CDC42BPA: variants seen among roughly 807,000 people sequenced by gnomAD.
The protein encoded by CDC42BPA is CDC42 binding protein kinase alpha, also known as serine/threonine-protein kinase MRCK alpha.
A neutral mutation model predicts 223.5 loss-of-function variants in CDC42BPA; 80 were observed. The observed-to-expected ratio is 0.36, with a 90% CI of 0.30 to 0.43. The LOEUF is 0.43. Among genes scored for constraint, CDC42BPA ranks in the 20% least tolerant of loss-of-function variants. The probability of loss-of-function intolerance (pLI) is 1.00; values close to 1 mark genes in which losing one functional copy is unlikely to be tolerated. For missense variants in CDC42BPA, 1,743 were observed against 2,099.9 expected, an observed-to-expected ratio of 0.83 and a Z score of 3.32; for synonymous variants, 694 against 718.6, an observed-to-expected ratio of 0.97 and a Z score of 0.55.
chr1:227,284,765 A>T (rs1378968409), intron 1 of CDC42BPA, among the ~76,000 whole-genome samples: 1 of 152,138 alleles, frequency 6.6e-6, no homozygotes, highest in Non-Finnish European at 1.5e-5. Flanking sequence ...CTTCGAGACC[A>T]GCCTGGGCAA....
chr1:227,181,772 T>C (rs1227580746), intron 5 of CDC42BPA, among the ~76,000 whole-genome samples: 19 of 152,144 alleles, frequency 1.2e-4, no homozygotes, highest in Admixed American at 1.2e-3. Context: ...AAAATTAAAA[T>C]TGAGATGAAC....
At chr1:227,098,162 C>T (rs1462469973) in intron 15 of CDC42BPA, among the ~76,000 whole-genome samples, 2 of 152,102 alleles carry the variant, frequency 1.3e-5, no homozygotes, top group Non-Finnish European at 2.9e-5. Flanking sequence ...CTAAATTTGC[C>T]TGTTATTATG....
chr1:227,016,465 T>C (rs1043098241), intron 33 of CDC42BPA, among the ~76,000 whole-genome samples: 1 of 152,188 alleles, frequency 6.6e-6, no homozygotes, highest in African/African-American at 2.4e-5. Flanking sequence ...GTTTTACATA[T>C]AATTCTGAAC....
chr1:227,228,044 A>G lies in CDC42BPA; in HGVS notation c.271-14825T>C, dbSNP rs145325084. Among the ~76,000 whole-genome samples, 922 of 152,166 alleles carry G rather than the reference A, an allele frequency of 6.1e-3. 10 individuals carry two copies. The highest frequency in any genetic ancestry group is 0.021 in the African/African-American group (860 of 41,520). On this transcript the variant is annotated intron_variant, in intron 2 of 36. Coordinates refer to ENST00000366766, the MANE Select transcript of CDC42BPA (RefSeq NM_001394014.1). ...AACCAAACACTGCATGTTCTCACTT[A>G]TAAGTGGGAGCTGAAAAATGAGAAC...
chr1:227,000,017 G>A lies in CDC42BPA; in HGVS notation c.4975+4977C>T, dbSNP rs1162308320. 2.0e-5 allele frequency among the ~76,000 whole-genome samples: 3 copies of A among 151,868 alleles called. No individual in the cohort carries two copies. In the East Asian group the frequency reaches 5.8e-4, roughly 29 times the overall value. On this transcript the variant is annotated intron_variant, in intron 35 of 36. Transcript: ENST00000366766. ...TAATGTAGATGACGGGTTGATGGGT[G>A]CAGCAAACTACCATGGCACATGTAT...
chr1:227,220,648 C>T (rs1675740836), intron 2 of CDC42BPA, among the ~76,000 whole-genome samples: 1 of 150,288 alleles, frequency 6.7e-6, no homozygotes. Context: ...TTTACATTCC[C>T]TCATGCCAAC....
At chr1:227,301,675 T>C (rs1373855353) in intron 1 of CDC42BPA, among the ~76,000 whole-genome samples, 2 of 152,174 alleles carry the variant, frequency 1.3e-5, no homozygotes, top group East Asian at 3.9e-4. Context: ...GACTTTTTAA[T>C]TCTGTAAAAA....
chr1:227,060,020 G>GGTTT (rs1553317949), intron 21 of CDC42BPA, among the ~76,000 whole-genome samples: 2 of 94,178 alleles, frequency 2.1e-5, no homozygotes, highest in African/African-American at 9.8e-5. Context: ...ATCTCAAAAA[G>GGTTT]TTTTTTTTTG....
intron 3 of CDC42BPA, among the ~76,000 whole-genome samples, chr1:227,204,018 A>G (rs977956753): frequency 2.6e-5 from 4 of 152,216 alleles, no homozygotes; most frequent in African/African-American, 9.6e-5. Flanking sequence ...ACTGATGATT[A>G]TATCTACTTT....
intron 34 of CDC42BPA, among the ~76,000 whole-genome samples, chr1:227,008,472 A>C (rs964960915): frequency 2.0e-5 from 3 of 152,216 alleles, no homozygotes; most frequent in Non-Finnish European, 2.9e-5. Flanking sequence ...AAATGTACTA[A>C]TGTGGCTAAA....
intron 28 of CDC42BPA, 28 bp downstream of exon 28, chr1:227,031,270 T>C: frequency 6.5e-7 from 1 of 1,540,716 alleles, no homozygotes; most frequent in Middle Eastern, 1.7e-4. Flanking sequence ...ACAATGATAA[T>C]AATATGATAA....
At chr1:227,056,026 TA>T in intron 21 of CDC42BPA, among the ~76,000 whole-genome samples, 1 of 152,310 alleles carries the variant, frequency 6.6e-6, no homozygotes, top group East Asian at 1.9e-4. Context: ...AATGTATTTT[TA>T]CAGTAGTACA....
intron 1 of CDC42BPA, among the ~76,000 whole-genome samples, chr1:227,289,043 A>G (rs201246044): frequency 2.6e-5 from 4 of 152,112 alleles, no homozygotes; most frequent in Non-Finnish European, 4.4e-5. Context: ...AAATAAAATG[A>G]TATCACAAAT....
At chr1:226,996,088 T>G (rs534013029) in intron 35 of CDC42BPA, among the ~76,000 whole-genome samples, 1 of 152,224 alleles carries the variant, frequency 6.6e-6, no homozygotes, top group Non-Finnish European at 1.5e-5. Flanking sequence ...TAATCCCCCT[T>G]CCACCTCCCT....
intron 1 of CDC42BPA, among the ~76,000 whole-genome samples, chr1:227,257,391 C>T (rs529072276): frequency 6.6e-6 from 1 of 151,278 alleles, no homozygotes; most frequent in South Asian, 2.1e-4. Flanking sequence ...ATATCAAAAC[C>T]ACTGAATTGT....
intron 6 of CDC42BPA, among the ~76,000 whole-genome samples, chr1:227,157,771 A>T (rs1391001702): frequency 6.6e-6 from 1 of 151,986 alleles, no homozygotes; most frequent in Non-Finnish European, 1.5e-5. Flanking sequence ...TCTGTCTTCA[A>T]GTTCACTGGC....
intron 10 of CDC42BPA, among the ~76,000 whole-genome samples, chr1:227,134,783 G>A (rs563511911): frequency 3.3e-5 from 5 of 151,942 alleles, no homozygotes; most frequent in Non-Finnish European, 5.9e-5. Flanking sequence ...CTGTGCAAAC[G>A]ATACTACACA....
intron 5 of CDC42BPA, among the ~76,000 whole-genome samples, chr1:227,171,348 A>C (rs572100945): frequency 7.6e-4 from 116 of 152,354 alleles, no homozygotes; most frequent in African/African-American, 2.7e-3. Flanking sequence ...TATGCTGGGC[A>C]CAATGGCTCA....
At chr1:227,134,123 T>C (rs1658007170) in intron 10 of CDC42BPA, among the ~76,000 whole-genome samples, 1 of 152,202 alleles carries the variant, frequency 6.6e-6, no homozygotes, top group South Asian at 2.1e-4. Context: ...CAACCAGAAA[T>C]GCCAATCAAT....
Sources: allele counts gnomAD v4.1 joint callset (sites outside exome capture counted in the v4.1 genomes callset), GRCh38; gene constraint gnomAD v4.1.1; transcripts MANE v1.5; gene names NCBI Gene and HGNC (gene_info 2026-07-23, HGNC 2026-07-21).